The following CELSR1 variants were observed in gnomAD, a reference collection of about 807,000 sequenced individuals.
CELSR1 encodes cadherin EGF LAG seven-pass G-type receptor 1.
CELSR1 carries 110 observed loss-of-function variants against 249.1 expected under a neutral mutation model. The observed-to-expected ratio is 0.44, with a 90% CI of 0.38 to 0.52. The LOEUF is 0.52. Among genes scored for constraint, CELSR1 ranks in the 20% least tolerant of loss-of-function variants. CELSR1 has a pLI of 0.00. For synonymous variants in CELSR1, 2,113 were observed against 1,900.0 expected, an observed-to-expected ratio of 1.11 and a Z score of -2.92; for missense variants, 4,109 against 4,296.4, an observed-to-expected ratio of 0.96 and a Z score of 1.22.
intron 1 of CELSR1, among the ~76,000 whole-genome samples, chr22:46,532,164 T>C (rs1226682155): frequency 6.6e-6 from 1 of 152,218 alleles, no homozygotes; most frequent in African/African-American, 2.4e-5. Context: ...GTTCCCACTA[T>C]CTCGTCCCTC....
At position 46,395,251 on chromosome 22, in the gene CELSR1, C is replaced by T. The variant is rs1254837984; in HGVS notation, c.5844-989G>A. On this transcript the variant is annotated intron_variant, in intron 13 of 34. Coordinates refer to ENST00000674500, the MANE Select transcript of CELSR1 (RefSeq NM_001378328.1). The surrounding 1 kb of genome is among the most constrained non-coding windows in gnomAD (Gnocchi z 5.5). ...GCCGGGCATGGAGATGCTGGATCAG[C>T]CTCTTGGCAACTCCCCCTGCTCCAA... Among the ~76,000 whole-genome samples the T allele has an allele frequency of 6.6e-6, 1 of 152,202 alleles. No individual in the cohort carries two copies. The highest frequency in any genetic ancestry group is 1.9e-4 in the East Asian group (1 of 5,188).
In CELSR1 at chr22:46,535,232, G is replaced by A. The variant is rs763989502; in HGVS notation, c.1939C>T (p.Arg647Cys). 1.9e-6 allele frequency: 3 copies of A among 1,609,668 alleles called. No individual in the cohort carries two copies. The highest frequency in any genetic ancestry group is 2.5e-6 in the Non-Finnish European group (3 of 1,179,978). ...GWITVCAELD[R>C]EEVEHYSFGV... ...AAGCTGTAGTGCTCCACCTCCTCGC[G>A]GTCCAGCTCGGCACACACTGTGATC... Residue 647 changes from arginine to cysteine, a missense_variant, in exon 1 of 35, where the codon CGC becomes TGC. Coordinates refer to ENST00000674500, the MANE Select transcript of CELSR1 (RefSeq NM_001378328.1).
rs57468373 is a variant in CELSR1 at position 46,526,678 on chromosome 22, G to A, written c.3544+6949C>T. Among the ~76,000 whole-genome samples, 2,928 of 152,170 alleles carry A rather than the reference G, an allele frequency of 0.019. 100 individuals carry two copies. Among genetic ancestry groups the A allele is most frequent in the African/African-American group, 0.067 (2,770 of 41,496 alleles). On this transcript the variant is annotated intron_variant, in intron 1 of 34. Transcript: ENST00000674500. This position sits in a 1 kb window ranked among gnomAD's most constrained non-coding sequence, Gnocchi z 4.7. ...GGCCTGCACCCGTGGGCCCTCCCCT[G>A]CACGTGGTTATTCCTGCTCCAGCTC...
chr22:46,402,219 CT>C lies in CELSR1; in HGVS notation c.5227-2318del, dbSNP rs547364572. Among the ~76,000 whole-genome samples, 366 of 143,128 alleles carry C rather than the reference CT, an allele frequency of 2.6e-3. No individual in the cohort carries two copies. The highest frequency in any genetic ancestry group is 7.4e-3 in the Middle Eastern group (2 of 270). The allele number at this position is 143,128 out of a possible 152,430, so 93.9% of individuals were successfully genotyped here. ...CATCCCCATTCTAGTTTCTCTTTTT[CT>C]TTTTTTTTTTTTTGAGACAGAGTTT... is the stretch of plus-strand genomic sequence containing the variant. On this transcript the variant is annotated intron_variant, in intron 9 of 34. Coordinates refer to ENST00000674500, the MANE Select transcript of CELSR1 (RefSeq NM_001378328.1). The surrounding 1 kb of genome is among the most constrained non-coding windows in gnomAD (Gnocchi z 5.0).
intron 1 of CELSR1, among the ~76,000 whole-genome samples, chr22:46,523,252 G>GGTGCA (rs1286970863): frequency 6.6e-6 from 1 of 152,216 alleles, no homozygotes; most frequent in Non-Finnish European, 1.5e-5. Context: ...ATCTTAGCCT[G>GGTGCA]GTGCAGTGGC....
At position 46,489,893 on chromosome 22, in the gene CELSR1, C is replaced by CAA. The variant is rs34918973; in HGVS notation, c.3545-25550_3545-25549dup. On this transcript the variant is annotated intron_variant, in intron 1 of 34. Transcript: ENST00000674500. The stretch of plus-strand genomic sequence containing the variant: ...CTGGTGACAGATCAAGACTCCTTCT[C>CAA]AAAAAAAAAAAAGCCCATCCTTCCT... Among the ~76,000 whole-genome samples, 1,343 of 144,088 alleles carry CAA rather than the reference C, an allele frequency of 9.3e-3. 21 individuals are homozygous for CAA. The highest frequency in any genetic ancestry group is 0.031 in the African/African-American group (1,216 of 39,430). The allele number at this position is 144,088 out of a possible 152,430, so 94.5% of individuals were successfully genotyped here. A position where few individuals can be genotyped will look rare whatever the true frequency, so the allele number is the denominator to read the frequency against.
In CELSR1 at chr22:46,429,058, C is replaced by A. The variant is rs1389547204; in HGVS notation, c.4611+4335G>T. ...AACAAGGTGGGGTCTAAACGTGATCCCCGCAGGCAGCCTCAGGGAAGCACA... is the reference window on the plus strand; with the variant it reads ...AACAAGGTGGGGTCTAAACGTGATCACCGCAGGCAGCCTCAGGGAAGCACA... On this transcript the variant is annotated intron_variant, in intron 5 of 34. Transcript: ENST00000674500. The surrounding 1 kb of genome is among the most constrained non-coding windows in gnomAD (Gnocchi z 4.1). 6.6e-6 allele frequency among the ~76,000 whole-genome samples: 1 copy of A among 152,130 alleles called. No homozygotes were observed. Among genetic ancestry groups the A allele is most frequent in the African/African-American group, 2.4e-5 (1 of 41,438 alleles).
intron 2 of CELSR1, among the ~76,000 whole-genome samples, chr22:46,459,549 G>A (rs1012804448): frequency 6.6e-6 from 1 of 152,184 alleles, no homozygotes. Flanking sequence ...AGAATGCCTG[G>A]GTTTGAATCC....
In CELSR1 at chr22:46,441,217, A is replaced by G. The variant is rs9306514; in HGVS notation, c.4184-1806T>C. On this transcript the variant is annotated intron_variant, in intron 2 of 34. Coordinates refer to ENST00000674500, the MANE Select transcript of CELSR1 (RefSeq NM_001378328.1). The surrounding 1 kb of genome is among the most constrained non-coding windows in gnomAD (Gnocchi z 6.1). ...CTGGGGGGACATCCAATGTGAGGAT[A>G]CTCAGTGCATAACCCAGCATACCCT... Among the ~76,000 whole-genome samples the G allele has an allele frequency of 0.42, 63,331 of 151,248 alleles. 13,709 individuals carry two copies. The highest frequency in any genetic ancestry group is 0.53 in the African/African-American group (21,794 of 41,086).
intron 5 of CELSR1, among the ~76,000 whole-genome samples, chr22:46,420,887 C>T (rs1315361758): frequency 6.6e-6 from 1 of 152,098 alleles, no homozygotes; most frequent in African/African-American, 2.4e-5. Flanking sequence ...GGGGACAGAG[C>T]ATGGAAGCGC....
chr22:46,480,094 C>T (rs1256749799), intron 1 of CELSR1, among the ~76,000 whole-genome samples: 2 of 152,198 alleles, frequency 1.3e-5, no homozygotes, highest in African/African-American at 2.4e-5. Flanking sequence ...ACTGTTCACT[C>T]CTATATACTA....
Position 46,373,008 on chromosome 22 carries a change from G to A in CELSR1, c.7634C>T (p.Thr2545Ile), listed in dbSNP as rs745499744. Residue 2545 changes from threonine (T) to isoleucine (I), a missense_variant, in exon 25 of 35, where the codon ACC (threonine) becomes ATC (isoleucine). Around this residue, in one of 7 missense-constraint regions of CELSR1, gnomAD observed 1,805 missense variants for 1,831.6 expected, o/e 0.99. Coordinates refer to ENST00000674500, the MANE Select transcript of CELSR1 (RefSeq NM_001378328.1). The part of the protein sequence containing the change: ...AILLHYIYMS[T>I]FAWTLVESLH... ...GCTCTCCACGAGGGTCCAGGCAAAG[G>A]TGCTCATGTAGATGTAGTGGAGGAG... 1.9e-6 allele frequency: 3 copies of A among 1,612,914 alleles called. No homozygotes were observed. The highest frequency in any genetic ancestry group is 2.5e-6 in the Non-Finnish European group (3 of 1,179,760).
intron 11 of CELSR1, 29 bp from the exon 12 acceptor site, chr22:46,397,877 C>T (rs2079168106): frequency 6.7e-7 from 1 of 1,494,792 alleles, no homozygotes; most frequent in East Asian, 2.4e-5. Context: ...ACTGGGGCTA[C>T]AGGAGCCCGG....
chr22:46,377,367 G>A (rs1435473438), intron 23 of CELSR1, 106 bp from the exon 24 acceptor site: 2 of 1,274,768 alleles, frequency 1.6e-6, no homozygotes. Context: ...AAACGATCAA[G>A]GCTGGCAGGA....
chr22:46,502,007 G>A (rs150002187), intron 1 of CELSR1, among the ~76,000 whole-genome samples: 7,314 of 152,164 alleles, frequency 0.048, 268 homozygotes, highest in Middle Eastern at 0.14. Context: ...GTTCAGGCCT[G>A]TAACCCCAGC....
chr22:46,453,933 T>C (rs1318674351), intron 2 of CELSR1, among the ~76,000 whole-genome samples: 2 of 152,194 alleles, frequency 1.3e-5, no homozygotes, highest in African/African-American at 4.8e-5. Flanking sequence ...AGCAAAATAA[T>C]GGACCCCAAA....
At chr22:46,481,482 G>A (rs960701989) in intron 1 of CELSR1, 27 of 1,567,074 alleles carry the variant, frequency 1.7e-5, no homozygotes, top group African/African-American at 5.5e-5. Context: ...TGGCTTTGTC[G>A]TTGCAATGCG....
chr22:46,387,337 T>C (rs140262297), intron 18 of CELSR1, among the ~76,000 whole-genome samples: 142 of 152,310 alleles, frequency 9.3e-4, no homozygotes, highest in African/African-American at 3.1e-3. Context: ...CAAACATTAA[T>C]CAAAGTTGAA....
At chr22:46,511,322 G>A (rs763415772) in intron 1 of CELSR1, among the ~76,000 whole-genome samples, 5 of 152,124 alleles carry the variant, frequency 3.3e-5, no homozygotes, top group Non-Finnish European at 7.4e-5. Context: ...AGGTGCCCCC[G>A]GCTCTTCCAG....
Sources: allele counts gnomAD v4.1 joint callset (sites outside exome capture counted in the v4.1 genomes callset), GRCh38; gene constraint gnomAD v4.1.1; regional missense constraint gnomAD v4.1.1; non-coding constraint Gnocchi (gnomAD v3.1); transcripts MANE v1.5; gene names NCBI Gene and HGNC (gene_info 2026-07-23, HGNC 2026-07-21).